The following PDGFRL variants were observed in gnomAD, a reference collection of about 807,000 sequenced individuals.
PDGFRL encodes platelet-derived growth factor receptor-like protein.
A neutral mutation model predicts 37.2 loss-of-function variants in PDGFRL; 46 were observed. That is an observed-to-expected ratio of 1.24 (90% CI 0.98 to 1.58). The LOEUF is 1.58. PDGFRL is among the 40% of genes most tolerant of loss of function. The pLI, the probability that PDGFRL is intolerant of heterozygous loss-of-function variation, is 0.00. For synonymous variants in PDGFRL, 251 were observed against 184.3 expected (o/e 1.36, Z -2.93); for missense variants, 692 against 467.6 (o/e 1.48, Z -4.43).
At chr8:17,593,131 G>A (rs1380344161) in intron 2 of PDGFRL, among the ~76,000 whole-genome samples, 1 of 152,194 alleles carries the variant, frequency 6.6e-6, no homozygotes, top group Non-Finnish European at 1.5e-5. Flanking sequence ...TGGGCTGGAT[G>A]TGGATTGGAG....
At chr8:17,578,201 A>C (rs1803629632) in intron 1 of PDGFRL, among the ~76,000 whole-genome samples, 1 of 152,086 alleles carries the variant, frequency 6.6e-6, no homozygotes, top group South Asian at 2.1e-4. Context: ...CCTCTCTTGA[A>C]ATTCCTGGGC....
At chr8:17,600,815 C>CAA (rs72227622) in intron 2 of PDGFRL, among the ~76,000 whole-genome samples, 32,379 of 144,148 alleles carry the variant, frequency 0.22, 4,181 homozygotes, top group African/African-American at 0.35. Flanking sequence ...AAAAAAAAAA[C>CAA]AAAAAAACCT....
chr8:17,611,118 C>G (rs1242430882), intron 2 of PDGFRL, among the ~76,000 whole-genome samples: 1 of 152,150 alleles, frequency 6.6e-6, no homozygotes, highest in East Asian at 1.9e-4. Context: ...TCAGGAGTCC[C>G]CAGGGATTTC....
At chr8:17,614,143 C>CGTAATAGATAGATTGATAG (rs1347064303) in intron 2 of PDGFRL, among the ~76,000 whole-genome samples, 1 of 151,982 alleles carries the variant, frequency 6.6e-6, no homozygotes, top group African/African-American at 2.4e-5. Context: ...TAGATTGATT[C>CGTAATAGATAGATTGATAG]GTAATAGATA....
intron 2 of PDGFRL, among the ~76,000 whole-genome samples, chr8:17,611,785 C>A (rs911958342): frequency 6.6e-6 from 1 of 152,120 alleles, no homozygotes. Flanking sequence ...ATATCTGATA[C>A]GTGATGAAAG....
At chr8:17,624,729 C>T (rs7830349) in intron 3 of PDGFRL, among the ~76,000 whole-genome samples, 34,423 of 152,006 alleles carry the variant, frequency 0.23, 5,676 homozygotes, top group African/African-American at 0.46. Context: ...ACCAACATGG[C>T]GAAACTCCCT....
At position 17,589,566 on chromosome 8, in the gene PDGFRL, A is replaced by T; in HGVS notation, c.154A>T (p.Met52Leu). The T allele has an allele frequency of 1.2e-6, 2 of 1,613,832 alleles. No homozygotes were observed. Among genetic ancestry groups the T allele is most frequent in the Non-Finnish European group, 8.5e-7 (1 of 1,179,704 alleles). ...GAAGGTGAAGCCCAAAATTCCTAAA[A>T]TGAAGGACAGGGACTCAGCCAATTC... ...NKKVKPKIPK[M>L]KDRDSANSAP... Residue 52 changes from methionine (M) to leucine (L), a missense_variant, in exon 2 of 6, where the codon ATG (methionine) becomes TTG (leucine). Coordinates refer to ENST00000251630, the MANE Select transcript of PDGFRL (RefSeq NM_001372073.1).
Position 17,596,355 on chromosome 8 carries a change from C to T in PDGFRL, c.353+6590C>T, listed in dbSNP as rs749540163. 7.7e-4 allele frequency: 955 copies of T among 1,238,980 alleles called. 2 individuals are homozygous for T. Among genetic ancestry groups the T allele is most frequent in the Middle Eastern group, 9.4e-4 (3 of 3,206 alleles). The allele number at this position is 1,238,980 out of a possible 1,614,324, so 76.7% of individuals were successfully genotyped here. A position where few individuals can be genotyped will look rare whatever the true frequency, so the allele number is the denominator to read the frequency against. On this transcript the variant is annotated intron_variant, in intron 2 of 5. Coordinates refer to ENST00000251630, the MANE Select transcript of PDGFRL (RefSeq NM_001372073.1). ...GTAACTCCGTGGGAAGAAGCCAACGCGCCCGCAGGACCGGCCCTGCCTCCA... is the reference window on the plus strand; with the variant it reads ...GTAACTCCGTGGGAAGAAGCCAACGTGCCCGCAGGACCGGCCCTGCCTCCA...
chr8:17,641,311 C>T (rs1327776861), intron 5 of PDGFRL, among the ~76,000 whole-genome samples: 3 of 152,202 alleles, frequency 2.0e-5, no homozygotes, highest in African/African-American at 7.2e-5. Context: ...GTCCAGGAAA[C>T]TGTGTTTGGT....
At chr8:17,629,025 C>T (rs545901930) in intron 4 of PDGFRL, among the ~76,000 whole-genome samples, 1 of 152,066 alleles carries the variant, frequency 6.6e-6, no homozygotes, top group East Asian at 1.9e-4. Flanking sequence ...TCAAGCAACC[C>T]TCCCTCCTTA....
intron 3 of PDGFRL, among the ~76,000 whole-genome samples, chr8:17,622,521 T>C (rs922871714): frequency 6.6e-6 from 1 of 152,226 alleles, no homozygotes; most frequent in African/African-American, 2.4e-5. Flanking sequence ...CCTGCCCAAA[T>C]AGCTCCTCTC....
Position 17,628,659 on chromosome 8 carries a change from C to T in PDGFRL, c.678C>T (p.Asp226=). ...IPANGTDIVY[D]MKRGFVYLQP... ...CCAATGGAACGGACATTGTTTATGACATGAAGCGGGGCTTTGTGTATCTGC... is the reference window on the plus strand; with the variant it reads ...CCAATGGAACGGACATTGTTTATGATATGAAGCGGGGCTTTGTGTATCTGC... The change falls in exon 4 of 6, where the codon GAC becomes GAT. Residue 226 remains aspartate, a synonymous_variant. Transcript: ENST00000251630. The T allele has an allele frequency of 6.2e-7, 1 of 1,614,186 alleles. No individual in the cohort carries two copies. Among genetic ancestry groups the T allele is most frequent in the Non-Finnish European group, 8.5e-7 (1 of 1,179,992 alleles).
chr8:17,606,904 T>G (rs1436619263), intron 2 of PDGFRL, among the ~76,000 whole-genome samples: 32 of 145,032 alleles, frequency 2.2e-4, no homozygotes, highest in African/African-American at 6.4e-4. Context: ...GTTTTTTTTT[T>G]TTTTTTTTTG....
intron 2 of PDGFRL, among the ~76,000 whole-genome samples, chr8:17,617,179 G>C (rs1273812952): frequency 6.6e-6 from 1 of 152,172 alleles, no homozygotes; most frequent in African/African-American, 2.4e-5. Flanking sequence ...TTGAAACATG[G>C]ACTTGGCCAT....
At chr8:17,579,039 A>T (rs1228071793) in intron 1 of PDGFRL, among the ~76,000 whole-genome samples, 1 of 152,102 alleles carries the variant, frequency 6.6e-6, no homozygotes, top group African/African-American at 2.4e-5. Context: ...CTCTACTAAA[A>T]ATATAAAAAT....
intron 5 of PDGFRL, among the ~76,000 whole-genome samples, chr8:17,639,172 C>T (rs1378856194): frequency 6.6e-6 from 1 of 152,154 alleles, no homozygotes; most frequent in Non-Finnish European, 1.5e-5. Flanking sequence ...AGGTGAGTCT[C>T]TTCAAAACAG....
intron 2 of PDGFRL, among the ~76,000 whole-genome samples, chr8:17,603,661 G>A (rs2720484): frequency 0.99 from 150,963 of 152,312 alleles, 74,826 homozygotes; most frequent in Middle Eastern, 1. Context: ...TACTATGTTT[G>A]TGGTCTCTGC....
At chr8:17,633,592 G>A (rs976240337) in intron 4 of PDGFRL, among the ~76,000 whole-genome samples, 10 of 152,188 alleles carry the variant, frequency 6.6e-5, no homozygotes, top group African/African-American at 2.4e-4. Flanking sequence ...ACATGATGAG[G>A]CAAAGGCACT....
At chr8:17,618,851 G>A (rs747287305) in intron 2 of PDGFRL, among the ~76,000 whole-genome samples, 3 of 152,272 alleles carry the variant, frequency 2.0e-5, no homozygotes, top group East Asian at 1.9e-4. Flanking sequence ...AGGGGTATCC[G>A]AGGGGTAGAG....
Sources: allele counts gnomAD v4.1 joint callset (sites outside exome capture counted in the v4.1 genomes callset), GRCh38; gene constraint gnomAD v4.1.1; transcripts MANE v1.5; gene names NCBI Gene and HGNC (gene_info 2026-07-23, HGNC 2026-07-21).